Variants in RHBDL1 observed in about 807,000 individuals in gnomAD.
RHBDL1 encodes the protein rhomboid-related protein 1.
RHBDL1 carries 21 observed loss-of-function variants against 34.0 expected under a neutral mutation model. The ratio of observed to expected loss-of-function variants is 0.62; its 90% CI spans 0.44 to 0.89. The LOEUF is 0.89. Among genes scored for constraint, RHBDL1 ranks in the 40% least tolerant of loss-of-function variants. RHBDL1 has a pLI of 0.00. For synonymous variants in RHBDL1, 268 were observed against 234.8 expected, an observed-to-expected ratio of 1.14 and a Z score of -1.29; for missense variants, 450 against 530.6, an observed-to-expected ratio of 0.85 and a Z score of 1.49.
chr16:675,948 C>T (rs1432735089), intron 1 of RHBDL1, 119 bp downstream of exon 1: 16 of 1,411,414 alleles, frequency 1.1e-5, no homozygotes, highest in African/African-American at 1.4e-5. Context: ...TACCTCATCC[C>T]TCCACGACCT....
Position 677,091 on chromosome 16 carries a change from T to C in RHBDL1, c.547T>C (p.Phe183Leu). The C allele has an allele frequency of 6.2e-7, 1 of 1,612,696 alleles. No individual in the cohort carries two copies. The highest frequency in any genetic ancestry group is 8.5e-7 in the Non-Finnish European group (1 of 1,179,846). ...CGGGCACCGTGCCCGCGCCTGGCGCTTCCTCACCTACATGTTCATGCACGT... is the reference window on the plus strand; with the variant it reads ...CGGGCACCGTGCCCGCGCCTGGCGCCTCCTCACCTACATGTTCATGCACGT... ...HPGHRARAWR[F>L]LTYMFMHVGL... Residue 183 changes from phenylalanine (F) to leucine (L), a missense_variant, in exon 4 of 8, where the codon TTC becomes CTC. By Grantham distance (22) the Phe-to-Leu change is conservative. Transcript: ENST00000352681.
At position 677,767 on chromosome 16, in the gene RHBDL1, G is replaced by T. The variant is rs375522981; in HGVS notation, c.851-14G>T. 1.3e-6 allele frequency: 2 copies of T among 1,520,898 alleles called. No individual in the cohort carries two copies. The highest frequency in any genetic ancestry group is 2.3e-5 in the East Asian group (1 of 43,762). 94.2% of individuals were successfully genotyped at this position (1,520,898 alleles called of 1,614,324 possible). On this transcript the variant is annotated splice_polypyrimidine_tract_variant and intron_variant, in intron 7 of 7. Transcript: ENST00000352681. ...GCAGCCAGGGCACCTCCCACCTGCC[G>T]CGTCCCTCTGCAGTGAGCTCCGAGG...
In RHBDL1 at chr16:676,659, C is replaced by T. The variant is rs372700373; in HGVS notation, c.202-13C>T. On this transcript the variant is annotated splice_polypyrimidine_tract_variant and intron_variant, in intron 2 of 7. Transcript: ENST00000352681. The surrounding 1 kb of genome is among the most constrained non-coding windows in gnomAD (Gnocchi z 6.9). ...GGGAGGTCCGTGGCCCACACTCAGG[C>T]CCCTGCCCCCAGATCAGCAGCAAGC... 1.2e-5 allele frequency: 20 copies of T among 1,609,422 alleles called. No homozygotes were observed. The highest frequency in any genetic ancestry group is 6.7e-5 in the African/African-American group (5 of 74,826).
chr16:676,264 C>A lies in RHBDL1; in HGVS notation c.40-72C>A, dbSNP rs752983076. On this transcript the variant is annotated intron_variant, in intron 1 of 7. Transcript: ENST00000352681. The surrounding 1 kb of genome is among the most constrained non-coding windows in gnomAD (Gnocchi z 6.9). ...GGAGCCTGAGCCTGATGCTCCCAGCCAGCCTGGCCCAGCCCTTTGGTCCAG... is the reference window on the plus strand; with the variant it reads ...GGAGCCTGAGCCTGATGCTCCCAGCAAGCCTGGCCCAGCCCTTTGGTCCAG... 1 of 1,567,650 alleles carries A rather than the reference C, an allele frequency of 6.4e-7. No individual in the cohort carries two copies. Among genetic ancestry groups the A allele is most frequent in the East Asian group, 2.4e-5 (1 of 42,296 alleles).
At position 677,799 on chromosome 16, in the gene RHBDL1, G is replaced by A. The variant is rs1212591160; in HGVS notation, c.869G>A (p.Arg290Gln). 6.4e-7 allele frequency: 1 copy of A among 1,553,158 alleles called. No individual in the cohort carries two copies. The highest frequency in any genetic ancestry group is 8.7e-7 in the Non-Finnish European group (1 of 1,153,986). Residue 290 changes from arginine (R) to glutamine (Q), a missense_variant, in exon 8 of 8, where the codon CGG (arginine) becomes CAG (glutamine). Transcript: ENST00000352681. Reference sequence around the variant, plus strand: ...TCTGCAGTGAGCTCCGAGGTGGGCCGGGCCGTGTGGCTGCGCTTCTCCCCG... The same window carrying A: ...TCTGCAGTGAGCTCCGAGGTGGGCCAGGCCGTGTGGCTGCGCTTCTCCCCG... The part of the protein sequence containing the change: ...ALVCMSSEVG[R>Q]AVWLRFSPPL...
At position 678,068 on chromosome 16, in the gene RHBDL1, T is replaced by G. The variant is rs753403741; in HGVS notation, c.*16T>G. 1 of 1,543,288 alleles carries G rather than the reference T, an allele frequency of 6.5e-7. No individual in the cohort carries two copies. The highest frequency in any genetic ancestry group is 1.2e-5 in the South Asian group (1 of 81,980). ...ACCGCCCTGACCGGCTACCTGAGGC[T>G]GCACAGGCCAGGGCTCGGGCATGTG... On this transcript the variant is annotated 3_prime_UTR_variant, in exon 8 of 8. Coordinates refer to ENST00000352681, the MANE Select transcript of RHBDL1 (RefSeq NM_001278720.2).
Position 677,694 on chromosome 16 carries a change from T to C in RHBDL1, c.845T>C (p.Val282Ala), listed in dbSNP as rs761351760. Residue 282 changes from valine to alanine, a missense_variant, in exon 7 of 8, where the codon GTG (valine) becomes GCG (alanine). Transcript: ENST00000352681. ...YKLLRMVLAL[V>A]CMSSEVGRAV... ...TTGCTGAGGATGGTGCTGGCCTTGG[T>C]GTGCAGTGAGTAGGGGCCGGGGGGA... 7 of 1,539,948 alleles carry C rather than the reference T, an allele frequency of 4.5e-6. No individual in the cohort carries two copies. Among genetic ancestry groups the C allele is most frequent in the Non-Finnish European group, 6.1e-6 (7 of 1,142,490 alleles).
rs763740101 is a variant in RHBDL1, at chr16:677,578, G to A, written c.789+19G>A. On this transcript the variant is annotated intron_variant, in intron 6 of 7. Coordinates refer to ENST00000352681, the MANE Select transcript of RHBDL1 (RefSeq NM_001278720.2). ...TGTCATGGTAACGGGCCTGCCCGGT[G>A]GGGGGCGTGGGGAGGGGCCCCAGGT... is the stretch of plus-strand genomic sequence containing the variant. The A allele has an allele frequency of 5.0e-6, 8 of 1,606,760 alleles. No individual in the cohort carries two copies. Among genetic ancestry groups the A allele is most frequent in the Non-Finnish European group, 6.8e-6 (8 of 1,176,948 alleles).
chr16:677,743 C>A (rs769059260), intron 7 of RHBDL1, 38 bp from the exon 8 acceptor site: 6 of 1,521,338 alleles, frequency 3.9e-6, no homozygotes, highest in Non-Finnish European at 5.3e-6. Context: ...TCTCAGCCTG[C>A]AGCCAGGGCA....
In RHBDL1 at chr16:676,779, G is replaced by A; in HGVS notation, c.309G>A (p.Arg103=). 1 of 1,611,546 alleles carries A rather than the reference G, an allele frequency of 6.2e-7. No homozygotes were observed. The highest frequency in any genetic ancestry group is 8.5e-7 in the Non-Finnish European group (1 of 1,179,680). The part of the protein sequence containing the change: ...LDEPGLGVYK[R]FVRYVAYEIL... Reference sequence around the variant, plus strand: ...AGCCAGGCCTAGGTGTCTACAAGCGGTTTGTGCGTTACGTGGCCTACGAGA... The same window carrying A: ...AGCCAGGCCTAGGTGTCTACAAGCGATTTGTGCGTTACGTGGCCTACGAGA... Residue 103 remains arginine (R), a synonymous_variant, in exon 3 of 8, where the codon CGG becomes CGA. Coordinates refer to ENST00000352681, the MANE Select transcript of RHBDL1 (RefSeq NM_001278720.2). This position sits in a 1 kb window ranked among gnomAD's most constrained non-coding sequence, Gnocchi z 6.9.
rs1567274719 is a variant in RHBDL1, at chr16:676,097, C to T, written c.40-239C>T. On this transcript the variant is annotated intron_variant, in intron 1 of 7. Coordinates refer to ENST00000352681, the MANE Select transcript of RHBDL1 (RefSeq NM_001278720.2). The surrounding 1 kb of genome is among the most constrained non-coding windows in gnomAD (Gnocchi z 6.9). ...GGTCTTGGACCTTGGCCCTCGCTTT[C>T]CAGGATGGGTAGGGTGGAAGACGGG... The T allele has an allele frequency of 1.2e-5, 17 of 1,443,824 alleles. No homozygotes were observed. The East Asian group carries it at 3.8e-4, about 32-fold the overall frequency. 89.4% of individuals were successfully genotyped at this position (1,443,824 alleles called of 1,614,324 possible).
In RHBDL1 at chr16:676,178, C is replaced by T. The variant is rs747587482; in HGVS notation, c.40-158C>T. 14 of 1,496,708 alleles carry T rather than the reference C, an allele frequency of 9.4e-6. No homozygotes were observed. The African/African-American group carries it at 1.1e-4, about 12-fold the overall frequency. The allele number at this position is 1,496,708 out of a possible 1,614,324, so 92.7% of individuals were successfully genotyped here. On this transcript the variant is annotated intron_variant, in intron 1 of 7. Coordinates refer to ENST00000352681, the MANE Select transcript of RHBDL1 (RefSeq NM_001278720.2). This position sits in a 1 kb window ranked among gnomAD's most constrained non-coding sequence, Gnocchi z 6.9. ...CCAGGCACCAGTGCCCTGCCAGCTC[C>T]TGGGATCAAGCAGGGTCCCAGGGAA...
chr16:676,024 G>A lies in RHBDL1; in HGVS notation c.39+195G>A. ...CCAGAGCTCCTGGCTGGAGAAGGGA[G>A]AGTCGGGGGGAGGGAGGGAGGGAGG... On this transcript the variant is annotated intron_variant, in intron 1 of 7. Coordinates refer to ENST00000352681, the MANE Select transcript of RHBDL1 (RefSeq NM_001278720.2). The surrounding 1 kb of genome is among the most constrained non-coding windows in gnomAD (Gnocchi z 6.9). 1 of 1,431,506 alleles carries A rather than the reference G, an allele frequency of 7.0e-7. No individual in the cohort carries two copies. Among genetic ancestry groups the A allele is most frequent in the Non-Finnish European group, 9.2e-7 (1 of 1,087,770 alleles). 88.7% of individuals were successfully genotyped at this position (1,431,506 alleles called of 1,614,324 possible).
chr16:676,195 C>A lies in RHBDL1; in HGVS notation c.40-141C>A. 1 of 1,523,334 alleles carries A rather than the reference C, an allele frequency of 6.6e-7. No homozygotes were observed. Among genetic ancestry groups the A allele is most frequent in the Non-Finnish European group, 8.8e-7 (1 of 1,132,322 alleles). 94.4% of individuals were successfully genotyped at this position (1,523,334 alleles called of 1,614,324 possible). A position where few individuals can be genotyped will look rare whatever the true frequency, so the allele number is the denominator to read the frequency against. ...GCCAGCTCCTGGGATCAAGCAGGGT[C>A]CCAGGGAACAGACAGGCACGGGGCC... On this transcript the variant is annotated intron_variant, in intron 1 of 7. Coordinates refer to ENST00000352681, the MANE Select transcript of RHBDL1 (RefSeq NM_001278720.2). This position sits in a 1 kb window ranked among gnomAD's most constrained non-coding sequence, Gnocchi z 6.9.
rs200974152 is a variant in RHBDL1 at position 676,662 on chromosome 16, C to T, written c.202-10C>T. The T allele has an allele frequency of 3.7e-6, 6 of 1,610,180 alleles. No individual in the cohort carries two copies. Among genetic ancestry groups the T allele is most frequent in the Non-Finnish European group, 5.1e-6 (6 of 1,179,316 alleles). ...AGGTCCGTGGCCCACACTCAGGCCC[C>T]TGCCCCCAGATCAGCAGCAAGCGCT... On this transcript the variant is annotated splice_polypyrimidine_tract_variant and intron_variant, in intron 2 of 7. Transcript: ENST00000352681. The surrounding 1 kb of genome is among the most constrained non-coding windows in gnomAD (Gnocchi z 6.9).
chr16:676,080 A>C lies in RHBDL1; in HGVS notation c.39+251A>C, dbSNP rs1567274690. 10 of 1,442,616 alleles carry C rather than the reference A, an allele frequency of 6.9e-6. No individual in the cohort carries two copies. The highest frequency in any genetic ancestry group is 1.4e-5 in the African/African-American group (1 of 69,152). The allele number at this position is 1,442,616 out of a possible 1,614,324, so 89.4% of individuals were successfully genotyped here. A position where few individuals can be genotyped will look rare whatever the true frequency, so the allele number is the denominator to read the frequency against. ...AGGGCGGGCAGCTGGCTGGTCTTGG[A>C]CCTTGGCCCTCGCTTTCCAGGATGG... On this transcript the variant is annotated intron_variant, in intron 1 of 7. Transcript: ENST00000352681. This position sits in a 1 kb window ranked among gnomAD's most constrained non-coding sequence, Gnocchi z 6.9.
Position 677,045 on chromosome 16 carries a change from G to A in RHBDL1, c.501G>A (p.Lys167=), listed in dbSNP as rs372614912. ...VLQTYHPEYM[K]SPLVYHPGHR... ...AGACCTACCACCCCGAGTACATGAAGAGCCCCCTTGTGTACCACCCCGGGC... is the reference window on the plus strand; with the variant it reads ...AGACCTACCACCCCGAGTACATGAAAAGCCCCCTTGTGTACCACCCCGGGC... The change falls in exon 4 of 8, where the codon AAG becomes AAA. Residue 167 remains lysine, a synonymous_variant. Coordinates refer to ENST00000352681, the MANE Select transcript of RHBDL1 (RefSeq NM_001278720.2). 100 of 1,612,810 alleles carry A rather than the reference G, an allele frequency of 6.2e-5. No homozygotes were observed. The highest frequency in any genetic ancestry group is 8.2e-5 in the Non-Finnish European group (97 of 1,179,980).
chr16:677,960 C>A lies in RHBDL1; in HGVS notation c.1030C>A (p.Leu344Met), dbSNP rs766603388. Residue 344 changes from leucine (L) to methionine (M), a missense_variant, in exon 8 of 8, where the codon CTG becomes ATG. Coordinates refer to ENST00000352681, the MANE Select transcript of RHBDL1 (RefSeq NM_001278720.2). ...GGACCAGTGCGGCTGGTGGGTGGTG[C>A]TGCTGGCCTACGGCACCTTCCTGCT... ...LRDQCGWWVV[L>M]LAYGTFLLFA... 1.4e-5 allele frequency: 22 copies of A among 1,602,788 alleles called. No homozygotes were observed. The highest frequency in any genetic ancestry group is 1.9e-5 in the Non-Finnish European group (22 of 1,179,398).
chr16:676,483 G>A lies in RHBDL1; in HGVS notation c.187G>A (p.Glu63Lys). ...SNEQGQVCYQELVDLISSKRS... is the reference protein window; with the variant it reads ...SNEQGQVCYQKLVDLISSKRS... ...CGAGCAGGGCCAGGTCTGCTACCAG[G>A]AGCTGGTGGACCTGGTCAGTGCCAC... The change falls in exon 2 of 8, where the codon GAG becomes AAG. Residue 63 changes from glutamate to lysine, a missense_variant. Transcript: ENST00000352681. The surrounding 1 kb of genome is among the most constrained non-coding windows in gnomAD (Gnocchi z 6.9). 6.3e-7 allele frequency: 1 copy of A among 1,593,482 alleles called. No individual in the cohort carries two copies. The highest frequency in any genetic ancestry group is 8.5e-7 in the Non-Finnish European group (1 of 1,172,458).
Sources: allele counts gnomAD v4.1 joint callset, GRCh38; gene constraint gnomAD v4.1.1; non-coding constraint Gnocchi (gnomAD v3.1); transcripts MANE v1.5; gene names NCBI Gene and HGNC (gene_info 2026-07-23, HGNC 2026-07-21).